NEK10: variants seen among roughly 807,000 people sequenced by gnomAD.
The protein encoded by NEK10 is NIMA related kinase 10.
In NEK10, 122 loss-of-function variants were observed where a neutral mutation model predicts 159.8. That is an observed-to-expected ratio of 0.76 (90% CI 0.66 to 0.89). The LOEUF is 0.89. Among genes scored for constraint, NEK10 ranks in the 40% least tolerant of loss-of-function variants. The probability of loss-of-function intolerance (pLI) is 0.00; values close to 1 mark genes in which losing one functional copy is unlikely to be tolerated. For missense variants in NEK10, 1,342 were observed against 1,323.1 expected (o/e 1.01, Z -0.22); for synonymous variants, 466 against 457.1 (o/e 1.02, Z -0.25).
intron 1 of NEK10, among the ~76,000 whole-genome samples, chr3:27,365,859 C>T (rs774803335): frequency 2.3e-4 from 35 of 152,040 alleles, no homozygotes; most frequent in Non-Finnish European, 3.5e-4. Context: ...GTGATCCTCC[C>T]GCCTCGGCCT....
chr3:27,154,906 C>G (rs558144295), intron 30 of NEK10, among the ~76,000 whole-genome samples: 3 of 152,276 alleles, frequency 2.0e-5, no homozygotes, highest in African/African-American at 7.2e-5. Flanking sequence ...GATGCCCACT[C>G]TCACCACTAC....
intron 11 of NEK10, among the ~76,000 whole-genome samples, chr3:27,306,765 G>C (rs764475343): frequency 6.6e-6 from 1 of 152,168 alleles, no homozygotes; most frequent in Non-Finnish European, 1.5e-5. Flanking sequence ...TTGGCATATA[G>C]AAAACACTGA....
intron 23 of NEK10, among the ~76,000 whole-genome samples, chr3:27,227,518 A>T (rs1274018183): frequency 6.6e-6 from 1 of 152,078 alleles, no homozygotes; most frequent in Non-Finnish European, 1.5e-5. Flanking sequence ...TCGGGCACAT[A>T]TTGACTTCCC....
intron 23 of NEK10, 79 bp from the exon 24 acceptor site, chr3:27,202,636 G>A: frequency 7.3e-7 from 1 of 1,369,898 alleles, no homozygotes; most frequent in Non-Finnish European, 9.6e-7. Context: ...AAGCTTTATT[G>A]GAGTTATTTT....
chr3:27,192,771 T>C (rs1453035664), intron 25 of NEK10, among the ~76,000 whole-genome samples: 1 of 152,122 alleles, frequency 6.6e-6, no homozygotes, highest in Non-Finnish European at 1.5e-5. Context: ...ATTATATAGC[T>C]ACATATTATG....
intron 31 of NEK10, among the ~76,000 whole-genome samples, chr3:27,137,133 A>C (rs890072009): frequency 2.0e-5 from 3 of 152,184 alleles, no homozygotes; most frequent in African/African-American, 7.2e-5. Context: ...CTCAAAGAGG[A>C]ATCATTCCCG....
intron 29 of NEK10, among the ~76,000 whole-genome samples, chr3:27,165,918 A>G (rs1048355436): frequency 3.3e-5 from 5 of 152,242 alleles, no homozygotes; most frequent in Non-Finnish European, 5.9e-5. Flanking sequence ...CATCTCTCAT[A>G]AGAATTCCTT....
intron 30 of NEK10, among the ~76,000 whole-genome samples, chr3:27,143,193 C>T (rs570816029): frequency 2.6e-5 from 4 of 152,106 alleles, no homozygotes; most frequent in African/African-American, 9.6e-5. Context: ...TCGTCTAGAC[C>T]CAAAACAAAT....
chr3:27,365,621 T>TGTG (rs2049021891), intron 1 of NEK10, among the ~76,000 whole-genome samples: 1 of 140,334 alleles, frequency 7.1e-6, no homozygotes, highest in Non-Finnish European at 1.5e-5. Context: ...TTTTTTTTTT[T>TGTG]TTTTTTTTTG....
At chr3:27,279,519 C>T (rs1443738588) in intron 22 of NEK10, among the ~76,000 whole-genome samples, 1 of 152,070 alleles carries the variant, frequency 6.6e-6, no homozygotes, top group African/African-American at 2.4e-5. Context: ...CATAATCCCT[C>T]TTAAAGATAA....
chr3:27,221,725 C>G (rs1056297459), intron 23 of NEK10, among the ~76,000 whole-genome samples: 1 of 152,198 alleles, frequency 6.6e-6, no homozygotes, highest in Non-Finnish European at 1.5e-5. Flanking sequence ...TATGTTACAG[C>G]TTCTGGAGGG....
intron 30 of NEK10, among the ~76,000 whole-genome samples, chr3:27,144,803 C>T (rs1438432572): frequency 1.3e-5 from 2 of 152,102 alleles, no homozygotes; most frequent in Non-Finnish European, 2.9e-5. Flanking sequence ...TTCACTGCAG[C>T]CTCTGCCTCC....
intron 30 of NEK10, among the ~76,000 whole-genome samples, chr3:27,144,555 ATATAT>A (rs770940528): frequency 9.9e-5 from 15 of 152,152 alleles, no homozygotes; most frequent in Non-Finnish European, 2.1e-4. Context: ...GGTCAACAAT[ATATAT>A]TATCAAACTT....
intron 30 of NEK10, among the ~76,000 whole-genome samples, chr3:27,156,333 G>T (rs1945414543): frequency 1.3e-5 from 2 of 152,178 alleles, no homozygotes; most frequent in African/African-American, 4.8e-5. Flanking sequence ...CTTTTGCATG[G>T]CAAAAGGAAC....
intron 23 of NEK10, among the ~76,000 whole-genome samples, chr3:27,240,081 T>C (rs549474168): frequency 1.3e-5 from 2 of 152,194 alleles, no homozygotes; most frequent in African/African-American, 2.4e-5. Context: ...TGTTTTATGG[T>C]CTCTATTAAG....
intron 5 of NEK10, 49 bp downstream of exon 5, chr3:27,344,223 G>T: frequency 1.2e-6 from 1 of 847,690 alleles, no homozygotes. Flanking sequence ...CAAGATAGAT[G>T]ACATATGCCA....
rs1370246124 is a variant in NEK10, at chr3:27,304,792, A to G, written c.983T>C (p.Ile328Thr). Residue 328 changes from isoleucine to threonine, a missense_variant, in exon 12 of 36, where the codon ATT becomes ACT. By Grantham distance (89) the Ile-to-Thr change is moderately conservative. Transcript: ENST00000691995. ...VCEDPETSVE[I>T]RIWGGIKQLL... ...CTGTTTGATGCCTCCCCAAATGCGA[A>G]TTTCCACGCTGGTCTCAGGGTCCTC... 1.2e-6 allele frequency: 2 copies of G among 1,613,760 alleles called. No homozygotes were observed. The highest frequency in any genetic ancestry group is 2.7e-5 in the African/African-American group (2 of 74,892).
intron 1 of NEK10, 39 bp from the exon 2 acceptor site, chr3:27,352,958 G>A: frequency 2.0e-6 from 2 of 983,124 alleles, no homozygotes; most frequent in South Asian, 2.7e-5. Context: ...TAGTTGGGTT[G>A]CGTGTGCCAA....
At position 27,229,745 on chromosome 3, in the gene NEK10, T is replaced by C. The variant is rs375734496; in HGVS notation, c.2090+26551A>G. On this transcript the variant is annotated intron_variant, in intron 23 of 35. Transcript: ENST00000691995. ...AAAATGCAATGGACAGTTTCAACAA[T>C]AGACTAGAACATGTAGAAGAAAGAA... is the stretch of plus-strand genomic sequence containing the variant. Among the ~76,000 whole-genome samples, 6 of 152,080 alleles carry C rather than the reference T, an allele frequency of 3.9e-5. No individual in the cohort carries two copies. In the East Asian group the frequency reaches 1.2e-3, roughly 29 times the overall value.
Sources: allele counts gnomAD v4.1 joint callset (sites outside exome capture counted in the v4.1 genomes callset), GRCh38; gene constraint gnomAD v4.1.1; transcripts MANE v1.5; gene names NCBI Gene and HGNC (gene_info 2026-07-23, HGNC 2026-07-21).